CDK17: variants seen among roughly 807,000 people sequenced by gnomAD.
CDK17 encodes the protein cyclin dependent kinase 17, also known as cyclin-dependent kinase 17.
Under a neutral mutation model 77.6 loss-of-function variants are expected in CDK17, and 24 were observed. The ratio of observed to expected loss-of-function variants is 0.31; its 90% CI spans 0.22 to 0.44. The LOEUF (loss-of-function observed/expected upper bound fraction) is 0.44, where lower values mean the gene tolerates loss of function less well. Among genes scored for constraint, CDK17 ranks in the 20% least tolerant of loss-of-function variants. The pLI, the probability that CDK17 is intolerant of heterozygous loss-of-function variation, is 1.00. For missense variants in CDK17, 429 were observed against 622.5 expected, an observed-to-expected ratio of 0.69 and a Z score of 3.31; for synonymous variants, 203 against 210.4, an observed-to-expected ratio of 0.96 and a Z score of 0.30.
At chr12:96,296,164 A>G (rs375226414) in intron 9 of CDK17, among the ~76,000 whole-genome samples, 95 of 152,336 alleles carry the variant, frequency 6.2e-4, no homozygotes, top group African/African-American at 2.2e-3. Context: ...TTTCCAACTT[A>G]AGCTAATCAT....
At chr12:96,327,888 TATATGAA>T (rs1380515484) in intron 2 of CDK17, among the ~76,000 whole-genome samples, 4 of 152,154 alleles carry the variant, frequency 2.6e-5, no homozygotes, top group Admixed American at 2.6e-4. Context: ...CTGTTAAACA[TATATGAA>T]ATATGATGTG....
chr12:96,353,105 T>C (rs538867635), intron 1 of CDK17, among the ~76,000 whole-genome samples: 14 of 152,330 alleles, frequency 9.2e-5, no homozygotes, highest in African/African-American at 3.4e-4. Context: ...ACTCCAAATA[T>C]ATTTGGCCAT....
intron 3 of CDK17, among the ~76,000 whole-genome samples, chr12:96,316,305 A>C (rs185728355): frequency 6.6e-6 from 1 of 151,342 alleles, no homozygotes; most frequent in Admixed American, 6.6e-5. Flanking sequence ...GGAGGGTCCT[A>C]CGCCCACGGA....
At chr12:96,355,058 A>G (rs535724218) in intron 1 of CDK17, among the ~76,000 whole-genome samples, 1 of 152,202 alleles carries the variant, frequency 6.6e-6, no homozygotes, top group Non-Finnish European at 1.5e-5. Context: ...GGCACTTACT[A>G]AACTGTTAAA....
At chr12:96,286,291 A>G (rs1952245725) in intron 12 of CDK17, 143 bp from the exon 13 acceptor site, 1 of 274,476 alleles carries the variant, frequency 3.6e-6, no homozygotes, top group Middle Eastern at 1.1e-3. Context: ...CTGCAATTGA[A>G]ATGACAGAAA....
intron 1 of CDK17, among the ~76,000 whole-genome samples, chr12:96,357,340 T>C (rs1208495993): frequency 6.6e-6 from 1 of 152,096 alleles, no homozygotes; most frequent in Non-Finnish European, 1.5e-5. Flanking sequence ...CATGTGCCTG[T>C]AGTCCTAGCT....
In CDK17 at chr12:96,347,688, T is replaced by C. The variant is rs576806393; in HGVS notation, c.-29-12823A>G. The stretch of plus-strand genomic sequence containing the variant: ...AATATAGGACTTGAACAGCACTATA[T>C]ACCTATTGTATTAGACCTATCAGAT... On this transcript the variant is annotated intron_variant, in intron 1 of 16. Transcript: ENST00000261211. Among the ~76,000 whole-genome samples the C allele has an allele frequency of 1.4e-4, 21 of 149,096 alleles. No individual in the cohort carries two copies. In the East Asian group the frequency reaches 4.1e-3, roughly 29 times the overall value.
At position 96,286,155 on chromosome 12, in the gene CDK17, TAAAA is replaced by T. The variant is rs752257370; in HGVS notation, c.1217-11_1217-8del. 2.5e-5 allele frequency: 23 copies of T among 915,866 alleles called. 1 individual carries two copies. The highest frequency in any genetic ancestry group is 1.7e-5 in the Non-Finnish European group (11 of 665,678). The allele number at this position is 915,866 out of a possible 1,614,324, so 56.7% of individuals were successfully genotyped here. A position where few individuals can be genotyped will look rare whatever the true frequency, so the allele number is the denominator to read the frequency against. ...GTTTCCTGAGATGGAGTTCCTGAAT[TAAAA>T]AAAAAAATTAAATATATTTATAAAT... On this transcript the variant is annotated splice_polypyrimidine_tract_variant and splice_region_variant and intron_variant, in intron 12 of 16. Coordinates refer to ENST00000261211, the MANE Select transcript of CDK17 (RefSeq NM_002595.5).
intron 9 of CDK17, among the ~76,000 whole-genome samples, chr12:96,295,806 A>T (rs1952397444): frequency 6.6e-6 from 1 of 152,256 alleles, no homozygotes; most frequent in Non-Finnish European, 1.5e-5. Context: ...TGAAAAAAGT[A>T]ATTCCTATAA....
intron 11 of CDK17, among the ~76,000 whole-genome samples, chr12:96,287,585 T>C (rs922576530): frequency 6.6e-6 from 1 of 152,060 alleles, no homozygotes; most frequent in Admixed American, 6.6e-5. Context: ...ATCAGGCCAA[T>C]GCAGGAGGAC....
At chr12:96,334,274 C>A (rs1953010950) in intron 2 of CDK17, among the ~76,000 whole-genome samples, 1 of 152,158 alleles carries the variant, frequency 6.6e-6, no homozygotes, top group Non-Finnish European at 1.5e-5. Context: ...GATACTACTA[C>A]TTTATGTTGT....
chr12:96,315,973 C>A (rs1479545036), intron 3 of CDK17, among the ~76,000 whole-genome samples: 2 of 152,098 alleles, frequency 1.3e-5, no homozygotes, highest in African/African-American at 2.4e-5. Context: ...CGAATAGGAA[C>A]AGCTCCGGTC....
At chr12:96,389,423 C>A (rs1461243510) in intron 1 of CDK17, among the ~76,000 whole-genome samples, 1 of 151,980 alleles carries the variant, frequency 6.6e-6, no homozygotes, top group African/African-American at 2.4e-5. Flanking sequence ...AAAAATTGTA[C>A]CTGAAATAAA....
chr12:96,321,729 T>G (rs1952816572), intron 3 of CDK17, among the ~76,000 whole-genome samples: 1 of 103,010 alleles, frequency 9.7e-6, no homozygotes, highest in Non-Finnish European at 2.0e-5. Context: ...AAACACCGCA[T>G]ATTCTCACTC....
intron 1 of CDK17, among the ~76,000 whole-genome samples, chr12:96,386,363 T>C (rs868720461): frequency 2.2e-4 from 33 of 152,250 alleles, no homozygotes; most frequent in South Asian, 1.0e-3. Context: ...AAAACTGACA[T>C]ACTGGCCAGA....
intron 5 of CDK17, among the ~76,000 whole-genome samples, chr12:96,310,370 A>C (rs1232617428): frequency 6.6e-6 from 1 of 152,142 alleles, no homozygotes; most frequent in African/African-American, 2.4e-5. Context: ...CACAAAGCTC[A>C]GACGTTTTAA....
At chr12:96,352,391 A>AG (rs1030991831) in intron 1 of CDK17, among the ~76,000 whole-genome samples, 6 of 151,324 alleles carry the variant, frequency 4.0e-5, no homozygotes, top group African/African-American at 7.3e-5. Context: ...CTAGAGAGAG[A>AG]GAAAAAAAAA....
At chr12:96,358,544 C>G (rs1020765857) in intron 1 of CDK17, among the ~76,000 whole-genome samples, 1 of 151,968 alleles carries the variant, frequency 6.6e-6, no homozygotes, top group African/African-American at 2.4e-5. Context: ...ATACAGGGGC[C>G]GGGCACATGG....
chr12:96,326,768 G>A (rs753328881), intron 2 of CDK17, among the ~76,000 whole-genome samples: 1 of 152,170 alleles, frequency 6.6e-6, no homozygotes, highest in Admixed American at 6.5e-5. Flanking sequence ...TGTGTTAGAG[G>A]ACTAGAAAGA....
Sources: allele counts gnomAD v4.1 joint callset (sites outside exome capture counted in the v4.1 genomes callset), GRCh38; gene constraint gnomAD v4.1.1; transcripts MANE v1.5; gene names NCBI Gene and HGNC (gene_info 2026-07-23, HGNC 2026-07-21).